Variants in NCR3 observed in about 807,000 individuals in gnomAD.
The protein encoded by NCR3 is NK-p30.
Under a neutral mutation model 16.1 loss-of-function variants are expected in NCR3, and 13 were observed. The observed-to-expected ratio is 0.81, with a 90% CI of 0.53 to 1.28. The LOEUF (loss-of-function observed/expected upper bound fraction) is 1.28, where lower values mean the gene tolerates loss of function less well. Ranked by LOEUF, NCR3 falls within the 50% of genes most tolerant of loss-of-function variation. The pLI is 0.00. For synonymous variants in NCR3, 98 were observed against 106.6 expected, an observed-to-expected ratio of 0.92 and a Z score of 0.50; for missense variants, 202 against 256.8, an observed-to-expected ratio of 0.79 and a Z score of 1.46.
intron 1 of NCR3, among the ~76,000 whole-genome samples, chr6:31,592,120 C>T (rs936106850): frequency 3.3e-5 from 5 of 151,842 alleles, no homozygotes; most frequent in Non-Finnish European, 7.4e-5. Flanking sequence ...TGTGGTGGTG[C>T]GCGCTTGTAA....
In NCR3 at chr6:31,589,128, G is replaced by A. The variant is rs370935964; in HGVS notation, c.545C>T (p.Ala182Val). Residue 182 changes from alanine to valine, a missense_variant, in exon 4 of 4, where the codon GCG becomes GTG. By Grantham distance (64) the Ala-to-Val change is moderately conservative (BLOSUM62 0). Coordinates refer to ENST00000340027, the MANE Select transcript of NCR3 (RefSeq NM_147130.3). The surrounding 1 kb of genome is among the most constrained non-coding windows in gnomAD (Gnocchi z 4.8). The part of the protein sequence containing the change: ...PRRQLPAVVP[A>V]PLPPPCGSSA... ...GCTCCCACATGGTGGTGGGAGGGGC[G>A]CTGGGACCACAGCCGGCAGCTGCCT... The A allele has an allele frequency of 1.4e-5, 22 of 1,613,112 alleles. No individual in the cohort carries two copies. Among genetic ancestry groups the A allele is most frequent in the South Asian group, 3.3e-5 (3 of 90,966 alleles).
Position 31,592,669 on chromosome 6 carries a change from G to T in NCR3, c.43+10C>A. 1.2e-6 allele frequency: 2 copies of T among 1,612,836 alleles called. No homozygotes were observed. The highest frequency in any genetic ancestry group is 1.7e-6 in the Non-Finnish European group (2 of 1,180,004). On this transcript the variant is annotated intron_variant, in intron 1 of 3. Transcript: ENST00000340027. ...ACACTCCTTGGGGTCCTGAGCGCACGCCCTGTCACCTGGATGGACCATGAT... is the reference window on the plus strand; with the variant it reads ...ACACTCCTTGGGGTCCTGAGCGCACTCCCTGTCACCTGGATGGACCATGAT...
Position 31,589,600 on chromosome 6 carries a change from A to G in NCR3, c.422T>C (p.Leu141Pro). 1 of 1,613,794 alleles carries G rather than the reference A, an allele frequency of 6.2e-7. No individual in the cohort carries two copies. The highest frequency in any genetic ancestry group is 8.5e-7 in the Non-Finnish European group (1 of 1,180,010). Residue 141 changes from leucine (L) to proline (P), a missense_variant, in exon 3 of 4, where the codon CTC becomes CCC. Coordinates refer to ENST00000340027, the MANE Select transcript of NCR3 (RefSeq NM_147130.3). The surrounding 1 kb of genome is among the most constrained non-coding windows in gnomAD (Gnocchi z 4.8). ...GACAGCATAGAATCCAGCCCGAAGG[A>G]GGAGGACTGTACCAGCCCCTAGCTG... Reference protein sequence around the residue: ...HPQLGAGTVLLLRAGFYAVSF... With the variant: ...HPQLGAGTVLPLRAGFYAVSF...
chr6:31,589,644 C>A lies in NCR3; in HGVS notation c.389-11G>T. 6.2e-7 allele frequency: 1 copy of A among 1,613,242 alleles called. No individual in the cohort carries two copies. Reference sequence around the variant, plus strand: ...CTAGCTGAGGATGTTCTGCATGGGGCAATGGAGACGGGGGTTGGGGAAGAA... The same window carrying A: ...CTAGCTGAGGATGTTCTGCATGGGGAAATGGAGACGGGGGTTGGGGAAGAA... On this transcript the variant is annotated splice_polypyrimidine_tract_variant and intron_variant, in intron 2 of 3. Transcript: ENST00000340027. This position sits in a 1 kb window ranked among gnomAD's most constrained non-coding sequence, Gnocchi z 4.8.
chr6:31,590,356 C>T (rs895281983), intron 1 of NCR3, among the ~76,000 whole-genome samples: 29 of 152,150 alleles, frequency 1.9e-4, no homozygotes, highest in African/African-American at 6.3e-4. Flanking sequence ...AATCCCAGCA[C>T]TTTGGGAGGC....
Position 31,588,964 on chromosome 6 carries a change from C to G in NCR3, c.*103G>C. The G allele has an allele frequency of 7.6e-7, 1 of 1,310,870 alleles. No homozygotes were observed. Among genetic ancestry groups the G allele is most frequent in the South Asian group, 1.6e-5 (1 of 64,180 alleles). The allele number at this position is 1,310,870 out of a possible 1,614,324, so 81.2% of individuals were successfully genotyped here. ...GAATGACAGTGTTCAGGGACCCAAG[C>G]TCCCCTAACAGCCAGAAGAGGGTAT... On this transcript the variant is annotated 3_prime_UTR_variant, in exon 4 of 4. Transcript: ENST00000340027.
chr6:31,590,099 G>T lies in NCR3; in HGVS notation c.71C>A (p.Pro24His). The change falls in exon 2 of 4, where the codon CCC becomes CAC. Residue 24 changes from proline to histidine, a missense_variant. By Grantham distance (77) the Pro-to-His change is moderately conservative. Transcript: ENST00000340027. ...TCCTTCCAGGGTACGAATCTCAGGG[G>T]GCTGGGACACCCAGAGAGCACAGGA... ...PGSCALWVSQPPEIRTLEGSS... is the reference protein window; with the variant it reads ...PGSCALWVSQHPEIRTLEGSS... The T allele has an allele frequency of 1.9e-6, 3 of 1,612,304 alleles. No individual in the cohort carries two copies.
At chr6:31,592,105 T>C (rs1255202514) in intron 1 of NCR3, among the ~76,000 whole-genome samples, 1 of 151,764 alleles carries the variant, frequency 6.6e-6, no homozygotes, top group Admixed American at 6.6e-5. Flanking sequence ...CAAAAATTAG[T>C]TGGGTGTGGT....
chr6:31,589,998 C>A lies in NCR3; in HGVS notation c.172G>T (p.Asp58Tyr). The change falls in exon 2 of 4, where the codon GAT becomes TAT. Residue 58 changes from aspartate to tyrosine, a missense_variant. Coordinates refer to ENST00000340027, the MANE Select transcript of NCR3 (RefSeq NM_147130.3). This position sits in a 1 kb window ranked among gnomAD's most constrained non-coding sequence, Gnocchi z 4.8. The part of the protein sequence containing the change: ...LAIGSVTWFR[D>Y]EVVPGKEVRN... The stretch of plus-strand genomic sequence containing the variant: ...ACCTCCTTCCCTGGAACCACCTCAT[C>A]TCGGAACCACGTGACGGAGCCAATG... The A allele has an allele frequency of 6.2e-7, 1 of 1,613,116 alleles. No homozygotes were observed. Among genetic ancestry groups the A allele is most frequent in the South Asian group, 1.1e-5 (1 of 91,084 alleles).
Position 31,589,100 on chromosome 6 carries a change from T to G in NCR3, c.573A>C (p.Ser191=), listed in dbSNP as rs777814626. 6.2e-7 allele frequency: 1 copy of G among 1,607,960 alleles called. No homozygotes were observed. Among genetic ancestry groups the G allele is most frequent in the Admixed American group, 1.7e-5 (1 of 59,368 alleles). ...PAPLPPPCGS[S]AHLLPPVPGG is the part of the protein sequence containing the mutation. ...CTGGGACTGGGGGAAGCAGATGTGC[T>G]GAGCTCCCACATGGTGGTGGGAGGG... is the stretch of plus-strand genomic sequence containing the variant. The change falls in exon 4 of 4, where the codon TCA becomes TCC. Residue 191 remains serine (S), a synonymous_variant. Coordinates refer to ENST00000340027, the MANE Select transcript of NCR3 (RefSeq NM_147130.3). The surrounding 1 kb of genome is among the most constrained non-coding windows in gnomAD (Gnocchi z 4.8).
At position 31,589,027 on chromosome 6, in the gene NCR3, A is replaced by G. The variant is rs1381991782; in HGVS notation, c.*40T>C. 1 of 1,527,410 alleles carries G rather than the reference A, an allele frequency of 6.5e-7. No individual in the cohort carries two copies. The highest frequency in any genetic ancestry group is 1.4e-5 in the African/African-American group (1 of 72,020). 94.6% of individuals were successfully genotyped at this position (1,527,410 alleles called of 1,614,324 possible). On this transcript the variant is annotated 3_prime_UTR_variant, in exon 4 of 4. Coordinates refer to ENST00000340027, the MANE Select transcript of NCR3 (RefSeq NM_147130.3). This position sits in a 1 kb window ranked among gnomAD's most constrained non-coding sequence, Gnocchi z 4.8. ...CAGGAAAGGGCAGTTGCCAAGGAGG[A>G]GTCATATCTGATCCTTCCCATTTCT... is the stretch of plus-strand genomic sequence containing the variant.
Position 31,589,763 on chromosome 6 carries a change from C to T in NCR3, c.388+19G>A, listed in dbSNP as rs781599024. 2.4e-5 allele frequency: 39 copies of T among 1,605,404 alleles called. No homozygotes were observed. In the South Asian group the frequency reaches 3.9e-4, roughly 16 times the overall value. On this transcript the variant is annotated intron_variant, in intron 2 of 3. Coordinates refer to ENST00000340027, the MANE Select transcript of NCR3 (RefSeq NM_147130.3). This position sits in a 1 kb window ranked among gnomAD's most constrained non-coding sequence, Gnocchi z 4.8. ...TGGGGCCTCCAGCCAGGAGGAGACA[C>T]CACCTCCCAGCATCTCACCTTTCTC...
In NCR3 at chr6:31,589,331, G is replaced by A. The variant is rs2150412383; in HGVS notation, c.497-155C>T. 2 of 1,552,312 alleles carry A rather than the reference G, an allele frequency of 1.3e-6. No individual in the cohort carries two copies. The highest frequency in any genetic ancestry group is 2.4e-5 in the East Asian group (1 of 40,922). On this transcript the variant is annotated intron_variant, in intron 3 of 3. Coordinates refer to ENST00000340027, the MANE Select transcript of NCR3 (RefSeq NM_147130.3). The surrounding 1 kb of genome is among the most constrained non-coding windows in gnomAD (Gnocchi z 4.8). Reference sequence around the variant, plus strand: ...AGAGGACTAGGGACATCTGGGCTCTGGAATCACTCCTCGGGGCCCATCTGA... The same window carrying A: ...AGAGGACTAGGGACATCTGGGCTCTAGAATCACTCCTCGGGGCCCATCTGA...
At position 31,592,893 on chromosome 6, in the gene NCR3, C is replaced by T. The variant is rs11575837; in HGVS notation, c.-172G>A. 0.022 allele frequency: 14,721 copies of T among 680,664 alleles called. 294 individuals carry two copies. The highest frequency in any genetic ancestry group is 0.04 in the Admixed American group (1,879 of 47,280). The allele number at this position is 680,664 out of a possible 1,614,324, so 42.2% of individuals were successfully genotyped here. On this transcript the variant is annotated 5_prime_UTR_variant, in exon 1 of 4. Coordinates refer to ENST00000340027, the MANE Select transcript of NCR3 (RefSeq NM_147130.3). ...CAAGGACCACAACTGCCAGGGACCT[C>T]GAGCATCAAATGCTTGCCTCCCTGA... is the stretch of plus-strand genomic sequence containing the variant.
In NCR3 at chr6:31,592,783, G is replaced by C; in HGVS notation, c.-62C>G. 6.3e-7 allele frequency: 1 copy of C among 1,590,062 alleles called. No individual in the cohort carries two copies. Among genetic ancestry groups the C allele is most frequent in the Non-Finnish European group, 8.6e-7 (1 of 1,160,364 alleles). On this transcript the variant is annotated 5_prime_UTR_variant, in exon 1 of 4. Transcript: ENST00000340027. The stretch of plus-strand genomic sequence containing the variant: ...CAGTGAGGTCTGGGTGGAGGAGGAA[G>C]GACTCACTACTTGTAGCCAGGCCTT...
intron 1 of NCR3, among the ~76,000 whole-genome samples, chr6:31,591,132 C>A (rs1430567965): frequency 6.6e-6 from 1 of 152,168 alleles, no homozygotes; most frequent in Non-Finnish European, 1.5e-5. Flanking sequence ...CCTGCCTCGG[C>A]CTCCCAAAGT....
intron 1 of NCR3, among the ~76,000 whole-genome samples, chr6:31,591,554 G>A (rs1389053132): frequency 6.6e-6 from 1 of 152,208 alleles, no homozygotes; most frequent in East Asian, 1.9e-4. Context: ...AGTGGCTCAC[G>A]CCTATAATCC....
Position 31,589,855 on chromosome 6 carries a change from G to T in NCR3, c.315C>A (p.Ile105=). The T allele has an allele frequency of 6.2e-7, 1 of 1,613,262 alleles. No individual in the cohort carries two copies. Among genetic ancestry groups the T allele is most frequent in the Non-Finnish European group, 8.5e-7 (1 of 1,180,046 alleles). ...CCAGCACCTCCACTCTGCACACGTA[G>T]ATGCTGGCGTCATGGCCTCGCACGT... ...IRDVRGHDAS[I]YVCRVEVLGL... is the part of the protein sequence containing the mutation. Residue 105 remains isoleucine (I), a synonymous_variant, in exon 2 of 4, where the codon ATC becomes ATA. Transcript: ENST00000340027. This position sits in a 1 kb window ranked among gnomAD's most constrained non-coding sequence, Gnocchi z 4.8.
In NCR3 at chr6:31,592,940, GGA is replaced by G; in HGVS notation, c.-221_-220del. On this transcript the variant is annotated 5_prime_UTR_variant, in exon 1 of 4. Coordinates refer to ENST00000340027, the MANE Select transcript of NCR3 (RefSeq NM_147130.3). ...CTGAGGAGAGAGGACAGATGCTGCT[GGA>G]GGAGATGTCAGGGTCTCTAGGAGGC... 1.6e-6 allele frequency: 1 copy of G among 606,314 alleles called. No individual in the cohort carries two copies. The highest frequency in any genetic ancestry group is 3.0e-6 in the Non-Finnish European group (1 of 335,464). The allele number at this position is 606,314 out of a possible 1,614,324, so 37.6% of individuals were successfully genotyped here. A position where few individuals can be genotyped will look rare whatever the true frequency, so the allele number is the denominator to read the frequency against.
Sources: gnomAD v4.1 joint callset for allele counts (sites outside exome capture counted in the v4.1 genomes callset) on GRCh38, gnomAD v4.1.1 for gene constraint, Gnocchi (gnomAD v3.1) non-coding constraint, MANE v1.5 for transcripts, NCBI Gene and HGNC (gene_info 2026-07-23, HGNC 2026-07-21) for gene names.